Variants in KIAA1671 observed in about 807,000 individuals in gnomAD.
KIAA1671 encodes the protein uncharacterized protein KIAA1671.
A neutral mutation model predicts 131.2 loss-of-function variants in KIAA1671; 52 were observed. The ratio of observed to expected loss-of-function variants is 0.40; its 90% CI spans 0.32 to 0.50. The LOEUF is 0.50. Among genes scored for constraint, KIAA1671 ranks in the 20% least tolerant of loss-of-function variants. KIAA1671 has a pLI of 0.73. For synonymous variants in KIAA1671, 1,003 were observed against 961.6 expected (o/e 1.04, Z -0.80); for missense variants, 2,360 against 2,364.2 (o/e 1.00, Z 0.04).
At position 25,039,594 on chromosome 22, in the gene KIAA1671, T is replaced by C. The variant is rs1926801984; in HGVS notation, c.2464T>C (p.Trp822Arg). Residue 822 changes from tryptophan (W) to arginine (R), a missense_variant, in exon 5 of 13, where the codon TGG (tryptophan) becomes CGG (arginine). Around this residue, in one of 3 missense-constraint regions of KIAA1671, gnomAD observed 1,185 missense variants for 1,126.2 expected, o/e 1.05. Transcript: ENST00000358431. ...KFGGNCPFPK[W>R]TGGAVVSSHK... ...TGGGGGCAATTGCCCGTTTCCCAAA[T>C]GGACAGGCGGGGCAGTGGTGAGCTC... 5 of 1,551,596 alleles carry C rather than the reference T, an allele frequency of 3.2e-6. No individual in the cohort carries two copies. The highest frequency in any genetic ancestry group is 2.4e-5 in the East Asian group (1 of 40,924).
chr22:25,123,488 G>A (rs542861671), intron 6 of KIAA1671, among the ~76,000 whole-genome samples: 3 of 152,170 alleles, frequency 2.0e-5, no homozygotes, highest in African/African-American at 7.2e-5. Context: ...TACCGTGCCC[G>A]GCTGAGATGA....
intron 6 of KIAA1671, among the ~76,000 whole-genome samples, chr22:25,132,988 G>C (rs188980200): frequency 6.7e-6 from 1 of 148,462 alleles, no homozygotes; most frequent in East Asian, 2.0e-4. Flanking sequence ...CCAGGAGGCA[G>C]AGGTTGCAGT....
chr22:25,105,817 G>GC (rs1408797955), intron 6 of KIAA1671, among the ~76,000 whole-genome samples: 3 of 48,606 alleles, frequency 6.2e-5, no homozygotes, highest in Admixed American at 2.1e-4. Context: ...CAGGTATGAA[G>GC]TTGGGGGGGG....
intron 1 of KIAA1671, among the ~76,000 whole-genome samples, chr22:25,016,377 G>A (rs1395596325): frequency 6.6e-6 from 1 of 152,182 alleles, no homozygotes; most frequent in Non-Finnish European, 1.5e-5. Context: ...AATCCAGAAA[G>A]TTGTTCTCCC....
intron 1 of KIAA1671, among the ~76,000 whole-genome samples, chr22:24,962,290 T>G (rs1922059625): frequency 6.6e-6 from 1 of 152,196 alleles, no homozygotes; most frequent in Non-Finnish European, 1.5e-5. Flanking sequence ...CAGCCTCAGT[T>G]TGCCTGTCTG....
At position 25,005,314 on chromosome 22, in the gene KIAA1671, C is replaced by T. The variant is rs1299416508; in HGVS notation, c.-207-20319C>T. Reference sequence around the variant, plus strand: ...AGTGAGCCAAGATGGTGCCACTGCACTCCAGCCTGGGTGACAGAGCGAGAC... The same window carrying T: ...AGTGAGCCAAGATGGTGCCACTGCATTCCAGCCTGGGTGACAGAGCGAGAC... On this transcript the variant is annotated intron_variant, in intron 1 of 12. Coordinates refer to ENST00000358431, the MANE Select transcript of KIAA1671 (RefSeq NM_001145206.2). 6.1e-5 allele frequency among the ~76,000 whole-genome samples: 9 copies of T among 147,010 alleles called. No individual in the cohort carries two copies. The East Asian group carries it at 1.4e-3, about 23-fold the overall frequency.
chr22:25,177,061 G>T (rs1023763715), intron 8 of KIAA1671: 88 of 381,240 alleles, frequency 2.3e-4, no homozygotes, highest in Admixed American at 3.6e-4. Flanking sequence ...GAGGGAAAAG[G>T]CATTTGTATT....
intron 6 of KIAA1671, among the ~76,000 whole-genome samples, chr22:25,108,000 T>C (rs1022861390): frequency 1.3e-5 from 2 of 152,082 alleles, no homozygotes; most frequent in Non-Finnish European, 2.9e-5. Flanking sequence ...AGAGCAAGAC[T>C]TTGTCTCAAA....
At chr22:25,034,697 ATTTCT>A (rs1382053757) in intron 4 of KIAA1671, among the ~76,000 whole-genome samples, 2 of 151,800 alleles carry the variant, frequency 1.3e-5, no homozygotes, top group African/African-American at 2.4e-5. Context: ...AAGAGCTTCT[ATTTCT>A]TTTCTTTTCT....
At chr22:24,997,681 G>C (rs544209583) in intron 1 of KIAA1671, among the ~76,000 whole-genome samples, 1 of 152,212 alleles carries the variant, frequency 6.6e-6, no homozygotes, top group South Asian at 2.1e-4. Flanking sequence ...ACTTCATTTT[G>C]TGAGCACCTG....
At chr22:25,097,677 T>G (rs1930454699) in intron 6 of KIAA1671, among the ~76,000 whole-genome samples, 1 of 151,766 alleles carries the variant, frequency 6.6e-6, no homozygotes, top group Non-Finnish European at 1.5e-5. Context: ...GAGGCGGAGC[T>G]TGCAGTGAGC....
At chr22:25,089,941 T>C (rs1390731290) in intron 6 of KIAA1671, among the ~76,000 whole-genome samples, 1 of 152,174 alleles carries the variant, frequency 6.6e-6, no homozygotes, top group African/African-American at 2.4e-5. Flanking sequence ...GTGATGGAGC[T>C]ATGCTCAGGC....
intron 6 of KIAA1671, among the ~76,000 whole-genome samples, chr22:25,094,297 C>T (rs775034001): frequency 7.2e-5 from 11 of 152,054 alleles, no homozygotes; most frequent in Middle Eastern, 3.2e-3. Context: ...GAGGGACTGG[C>T]GTGTTGTGCT....
chr22:25,031,493 G>A (rs2145792332), intron 3 of KIAA1671, among the ~76,000 whole-genome samples: 1 of 152,166 alleles, frequency 6.6e-6, no homozygotes, highest in South Asian at 2.1e-4. Context: ...ACCACGCCCG[G>A]CCTAATTTTT....
chr22:25,029,838 G>A (rs1488070800), intron 3 of KIAA1671, among the ~76,000 whole-genome samples: 1 of 152,340 alleles, frequency 6.6e-6, no homozygotes, highest in African/African-American at 2.4e-5. Context: ...TGGAGGCAGG[G>A]CAGAAGGGTG....
At chr22:24,979,194 T>TTTTTTTTTTTTTTTTC (rs1923085440) in intron 1 of KIAA1671, among the ~76,000 whole-genome samples, 1 of 101,502 alleles carries the variant, frequency 9.9e-6, no homozygotes, top group African/African-American at 4.2e-5. Flanking sequence ...TTTTTTTTTT[T>TTTTTTTTTTTTTTTTC]AGTAGAGATG....
intron 1 of KIAA1671, among the ~76,000 whole-genome samples, chr22:24,986,148 C>T (rs772575518): frequency 5.3e-5 from 8 of 152,188 alleles, no homozygotes; most frequent in Non-Finnish European, 1.0e-4. Context: ...CAAGGCCAGT[C>T]TGGCGCTCTT....
Position 25,190,705 on chromosome 22 carries a change from G to T in KIAA1671, c.5346G>T (p.Ser1782=), listed in dbSNP as rs914196557. 1 of 1,551,456 alleles carries T rather than the reference G, an allele frequency of 6.4e-7. No individual in the cohort carries two copies. The highest frequency in any genetic ancestry group is 1.2e-5 in the South Asian group (1 of 84,048). The part of the protein sequence containing the change: ...LPSSMDKDER[S]DEPSPQWLKE... ...CTTACTGGCTTTGTGGTTTCAGGTCGGATGAACCCTCTCCCCAGTGGCTAA... is the reference window on the plus strand; with the variant it reads ...CTTACTGGCTTTGTGGTTTCAGGTCTGATGAACCCTCTCCCCAGTGGCTAA... The change falls in exon 12 of 13, where the codon TCG becomes TCT. Residue 1782 remains serine (S), a synonymous_variant. Transcript: ENST00000358431.
chr22:25,179,326 C>T (rs1202674364), intron 9 of KIAA1671: 6 of 1,588,458 alleles, frequency 3.8e-6, no homozygotes, highest in South Asian at 1.1e-5. Flanking sequence ...GACATCTCCT[C>T]TCGCTGCTCC....
Sources: gnomAD v4.1 joint callset for allele counts (sites outside exome capture counted in the v4.1 genomes callset) on GRCh38, gnomAD v4.1.1 for gene constraint, gnomAD v4.1.1 regional missense constraint, MANE v1.5 for transcripts, NCBI Gene and HGNC (gene_info 2026-07-23, HGNC 2026-07-21) for gene names.